EDNRB: variants seen among roughly 807,000 people sequenced by gnomAD.
EDNRB encodes the protein endothelin receptor type B, also known as Hirschsprung disease 2.
A neutral mutation model predicts 46.4 loss-of-function variants in EDNRB; 18 were observed. The ratio of observed to expected loss-of-function variants is 0.39; its 90% CI spans 0.27 to 0.57. EDNRB has a LOEUF of 0.57. Among genes scored for constraint, EDNRB ranks in the 20% least tolerant of loss-of-function variants. EDNRB has a pLI of 0.61. For missense variants in EDNRB, 434 were observed against 537.5 expected, an observed-to-expected ratio of 0.81 and a Z score of 1.90; for synonymous variants, 213 against 204.9, an observed-to-expected ratio of 1.04 and a Z score of -0.34.
intron 1 of EDNRB, among the ~76,000 whole-genome samples, chr13:77,911,301 C>A (rs898742510): frequency 2.6e-5 from 4 of 152,050 alleles, no homozygotes; most frequent in African/African-American, 9.7e-5. Context: ...TATTAAGTAA[C>A]TTCATGCCAT....
chr13:77,968,653 C>T (rs1440920557), intron 1 of EDNRB, among the ~76,000 whole-genome samples: 1 of 152,050 alleles, frequency 6.6e-6, no homozygotes, highest in African/African-American at 2.4e-5. Context: ...ACAAAGAGAG[C>T]ATGTGCTACG....
intron 1 of EDNRB, among the ~76,000 whole-genome samples, chr13:77,933,399 T>G (rs1053312140): frequency 7.9e-5 from 12 of 152,132 alleles, no homozygotes; most frequent in African/African-American, 2.9e-4. Flanking sequence ...AGGGGGGTTG[T>G]TCTCTGGCGG....
Position 77,918,808 on chromosome 13 carries a change from G to C in EDNRB, c.-235C>G. ...CCAGCGCGGGTCGAAACTCCTTCCTGATGCCCTCTCAGCTGTTTTTCTTCC... is the reference window on the plus strand; with the variant it reads ...CCAGCGCGGGTCGAAACTCCTTCCTCATGCCCTCTCAGCTGTTTTTCTTCC... On this transcript the variant is annotated 5_prime_UTR_variant, in exon 1 of 7. In the 5' UTR this introduces an upstream ATG that the reference lacks. Transcript: ENST00000646607. The surrounding 1 kb of genome is among the most constrained non-coding windows in gnomAD (Gnocchi z 4.5). The C allele has an allele frequency of 7.6e-7, 1 of 1,314,500 alleles. No individual in the cohort carries two copies. The highest frequency in any genetic ancestry group is 2.6e-5 in the South Asian group (1 of 39,128). 81.4% of individuals were successfully genotyped at this position (1,314,500 alleles called of 1,614,324 possible).
Position 77,898,096 on chromosome 13 carries a change from G to A in EDNRB, c.*104C>T. On this transcript the variant is annotated 3_prime_UTR_variant, in exon 7 of 7. Transcript: ENST00000646607. ...ACACTTAATATTTTAATAGTGTGCT[G>A]TGCAAATACATAGTTTTTTGTTTTG... 1 of 1,533,144 alleles carries A rather than the reference G, an allele frequency of 6.5e-7. No homozygotes were observed. The highest frequency in any genetic ancestry group is 1.9e-4 in the Middle Eastern group (1 of 5,144). 95.0% of individuals were successfully genotyped at this position (1,533,144 alleles called of 1,614,324 possible). A position where few individuals can be genotyped will look rare whatever the true frequency, so the allele number is the denominator to read the frequency against.
chr13:77,956,886 T>C (rs987385703), intron 1 of EDNRB, among the ~76,000 whole-genome samples: 1 of 152,160 alleles, frequency 6.6e-6, no homozygotes, highest in Non-Finnish European at 1.5e-5. Context: ...AGGACTTAAG[T>C]AATTAGATGG....
chr13:77,974,040 AACATGTT>A (rs1881813100), intron 1 of EDNRB, among the ~76,000 whole-genome samples: 1 of 152,052 alleles, frequency 6.6e-6, no homozygotes, highest in African/African-American at 2.4e-5. Context: ...GTTAGTATAA[AACATGTT>A]ACACTGTTAA....
At chr13:77,961,075 C>T (rs1881396470) in intron 1 of EDNRB, among the ~76,000 whole-genome samples, 1 of 152,144 alleles carries the variant, frequency 6.6e-6, no homozygotes, top group Non-Finnish European at 1.5e-5. Context: ...GAGACTTAGA[C>T]TCCCACACAA....
At chr13:77,955,333 A>AT (rs1881204040) in intron 1 of EDNRB, among the ~76,000 whole-genome samples, 2 of 152,190 alleles carry the variant, frequency 1.3e-5, no homozygotes, top group South Asian at 4.2e-4. Flanking sequence ...TTTTCTTGCT[A>AT]TTGAGTCTTA....
intron 1 of EDNRB, among the ~76,000 whole-genome samples, chr13:77,937,721 A>C (rs1021795101): frequency 2.6e-5 from 4 of 151,868 alleles, no homozygotes; most frequent in Admixed American, 1.3e-4. Flanking sequence ...GGAGGAGCAG[A>C]AGCTGAGGAA....
chr13:77,909,905 A>G (rs145519010), intron 1 of EDNRB, among the ~76,000 whole-genome samples: 1 of 152,086 alleles, frequency 6.6e-6, no homozygotes, highest in East Asian at 1.9e-4. Flanking sequence ...ATAGAGTCAG[A>G]AACTCTAGAA....
intron 1 of EDNRB, among the ~76,000 whole-genome samples, chr13:77,969,756 G>C (rs1460815621): frequency 6.6e-6 from 1 of 152,106 alleles, no homozygotes; most frequent in Non-Finnish European, 1.5e-5. Flanking sequence ...ATTCTAGCTT[G>C]ACTCTCCTTT....
At chr13:77,953,647 C>G (rs932110705) in intron 1 of EDNRB, among the ~76,000 whole-genome samples, 7 of 152,072 alleles carry the variant, frequency 4.6e-5, no homozygotes, top group African/African-American at 1.7e-4. Flanking sequence ...ACAGAATACC[C>G]TTGAATAGCA....
At position 77,897,831 on chromosome 13, in the gene EDNRB, A is replaced by G. The variant is rs1164461630; in HGVS notation, c.*369T>C. ...CAGTGACTTATTCTTCCTTTATATC[A>G]GAGTCCCATTGATTTAAAAATAAAT... On this transcript the variant is annotated 3_prime_UTR_variant, in exon 7 of 7. Coordinates refer to ENST00000646607, the MANE Select transcript of EDNRB (RefSeq NM_001122659.3). 9.8e-7 allele frequency: 1 copy of G among 1,017,844 alleles called. No homozygotes were observed. The highest frequency in any genetic ancestry group is 1.7e-5 in the African/African-American group (1 of 57,674). The allele number at this position is 1,017,844 out of a possible 1,614,324, so 63.1% of individuals were successfully genotyped here. A position where few individuals can be genotyped will look rare whatever the true frequency, so the allele number is the denominator to read the frequency against.
upstream of EDNRB, among the ~76,000 whole-genome samples, chr13:77,921,423 T>C (rs913981839): frequency 2.6e-5 from 4 of 152,206 alleles, no homozygotes; most frequent in Admixed American, 2.6e-4. Context: ...ATTGATTCTC[T>C]GATGTTTGTC....
chr13:77,919,071 G>A, upstream of EDNRB: 2 of 502,298 alleles, frequency 4.0e-6, no homozygotes, highest in Non-Finnish European at 6.2e-6. Context: ...TATACCCCGC[G>A]ATTGAACTCG....
In EDNRB at chr13:77,897,939, G is replaced by T. The variant is rs1221885640; in HGVS notation, c.*261C>A. On this transcript the variant is annotated 3_prime_UTR_variant, in exon 7 of 7. Coordinates refer to ENST00000646607, the MANE Select transcript of EDNRB (RefSeq NM_001122659.3). ...GTGAATATCCTGGAAGTTGTTAAGA[G>T]CTATGTTGAAGTGCTAACTGTAAAA... 4 of 1,227,286 alleles carry T rather than the reference G, an allele frequency of 3.3e-6. No homozygotes were observed. Among genetic ancestry groups the T allele is most frequent in the Non-Finnish European group, 4.1e-6 (4 of 973,934 alleles). The allele number at this position is 1,227,286 out of a possible 1,614,324, so 76.0% of individuals were successfully genotyped here.
chr13:77,928,223 CTTTTA>C (rs1468095246), intron 1 of EDNRB, among the ~76,000 whole-genome samples: 2 of 152,082 alleles, frequency 1.3e-5, no homozygotes, highest in Non-Finnish European at 2.9e-5. Flanking sequence ...TAAGACATCA[CTTTTA>C]TTATATATAT....
chr13:77,898,087 T>G lies in EDNRB; in HGVS notation c.*113A>C. 1 of 1,515,082 alleles carries G rather than the reference T, an allele frequency of 6.6e-7. No homozygotes were observed. Among genetic ancestry groups the G allele is most frequent in the South Asian group, 1.2e-5 (1 of 80,526 alleles). The allele number at this position is 1,515,082 out of a possible 1,614,324, so 93.9% of individuals were successfully genotyped here. ...AAAATAATTACACTTAATATTTTAA[T>G]AGTGTGCTGTGCAAATACATAGTTT... is the stretch of plus-strand genomic sequence containing the variant. On this transcript the variant is annotated 3_prime_UTR_variant, in exon 7 of 7. Transcript: ENST00000646607.
intron 3 of EDNRB, 104 bp from the exon 4 acceptor site, chr13:77,901,311 A>C: frequency 1.6e-6 from 2 of 1,225,198 alleles, no homozygotes; most frequent in East Asian, 5.1e-5. Flanking sequence ...ATTATCTTCT[A>C]AATTAGATCC....
Sources: allele counts gnomAD v4.1 joint callset (sites outside exome capture counted in the v4.1 genomes callset), GRCh38; gene constraint gnomAD v4.1.1; non-coding constraint Gnocchi (gnomAD v3.1); transcripts MANE v1.5; gene names NCBI Gene and HGNC (gene_info 2026-07-23, HGNC 2026-07-21).